Variants in CACNA1C observed in about 807,000 individuals in gnomAD.
CACNA1C encodes the protein voltage-dependent L-type calcium channel subunit alpha-1C.
In CACNA1C, 30 loss-of-function variants were observed where a neutral mutation model predicts 229.0. The ratio of observed to expected loss-of-function variants is 0.13; its 90% CI spans 0.10 to 0.18. The LOEUF (loss-of-function observed/expected upper bound fraction) is 0.18, where lower values mean the gene tolerates loss of function less well. Ranked by LOEUF, CACNA1C falls within the 10% of genes least tolerant of loss-of-function variation. CACNA1C has a pLI of 1.00. For missense variants in CACNA1C, 1,658 were observed against 2,845.0 expected, an observed-to-expected ratio of 0.58 and a Z score of 9.49; for synonymous variants, 1,114 against 1,132.5, an observed-to-expected ratio of 0.98 and a Z score of 0.33.
chr12:2,026,457 G>A (rs750965680), intron 1 of CACNA1C, among the ~76,000 whole-genome samples: 2 of 152,162 alleles, frequency 1.3e-5, no homozygotes, highest in Non-Finnish European at 2.9e-5. Flanking sequence ...ACAAATTTCT[G>A]CCAGACAATG....
At chr12:2,351,414 C>T (rs1256541202) in intron 3 of CACNA1C, among the ~76,000 whole-genome samples, 1 of 152,210 alleles carries the variant, frequency 6.6e-6, no homozygotes, top group Admixed American at 6.5e-5. Flanking sequence ...CTGGCCTCTG[C>T]TGAAGCGGCC....
chr12:2,220,414 C>T (rs2061159365), intron 3 of CACNA1C: 1 of 152,352 alleles, frequency 6.6e-6, no homozygotes, highest in South Asian at 2.1e-4. Context: ...TCTGCCCTCC[C>T]ATGAGACAGG....
At chr12:2,519,202 C>T (rs1313064610) in intron 9 of CACNA1C, among the ~76,000 whole-genome samples, 1 of 152,230 alleles carries the variant, frequency 6.6e-6, no homozygotes, top group African/African-American at 2.4e-5. Context: ...CTGAGAGGTC[C>T]TTCTTGGGGC....
At chr12:2,316,695 ACCATGAAC>A (rs2095708353) in intron 3 of CACNA1C, among the ~76,000 whole-genome samples, 3 of 152,188 alleles carry the variant, frequency 2.0e-5, no homozygotes, top group African/African-American at 7.2e-5. Context: ...ATGCCCAAAC[ACCATGAAC>A]TCATTAGTTC....
chr12:2,551,372 G>A lies in CACNA1C; in HGVS notation c.1481+1339G>A, dbSNP rs944087918. On this transcript the variant is annotated intron_variant, in intron 10 of 46. Transcript: ENST00000399655. ...CCTGGCAGTCTCCAGTGGATCTGTC[G>A]TTTGCTCAGAGCACATGCTCTGCAG... Among the ~76,000 whole-genome samples the A allele has an allele frequency of 1.1e-4, 17 of 152,220 alleles. 1 individual carries two copies. The highest frequency in any genetic ancestry group is 4.1e-4 in the African/African-American group (17 of 41,454).
At chr12:2,041,747 T>C (rs952563341) in intron 1 of CACNA1C, among the ~76,000 whole-genome samples, 5 of 152,206 alleles carry the variant, frequency 3.3e-5, no homozygotes, top group Non-Finnish European at 7.3e-5. Flanking sequence ...TGTTCATTTG[T>C]TTTATGAACA....
chr12:2,457,040 C>T (rs372462675), intron 4 of CACNA1C, among the ~76,000 whole-genome samples: 1 of 152,362 alleles, frequency 6.6e-6, no homozygotes, highest in East Asian at 1.9e-4. Flanking sequence ...TGTTTAACCA[C>T]TCAACCATTC....
chr12:2,067,801 C>T lies in CACNA1C; in HGVS notation c.49+14190C>T, dbSNP rs2059947026. ...GGCAATCAAGACCACAAGTGCCAACCTCAGCGCACTCACCTGGAGAATACT... is the reference window on the plus strand; with the variant it reads ...GGCAATCAAGACCACAAGTGCCAACTTCAGCGCACTCACCTGGAGAATACT... On this transcript the variant is annotated intron_variant, in intron 1 of 46. Coordinates refer to ENST00000399655, the MANE Select transcript of CACNA1C (RefSeq NM_000719.7). This position sits in a 1 kb window ranked among gnomAD's most constrained non-coding sequence, Gnocchi z 5.3. Among the ~76,000 whole-genome samples the T allele has an allele frequency of 6.6e-6, 1 of 152,140 alleles. No homozygotes were observed.
chr12:2,559,113 TCAA>T (rs1377219549), intron 11 of CACNA1C, among the ~76,000 whole-genome samples: 1 of 152,166 alleles, frequency 6.6e-6, no homozygotes, highest in African/African-American at 2.4e-5. Context: ...TGACACAGAT[TCAA>T]ACAAAATATC....
intron 9 of CACNA1C, among the ~76,000 whole-genome samples, chr12:2,540,503 A>G (rs1033693563): frequency 4.6e-5 from 7 of 152,088 alleles, no homozygotes; most frequent in African/African-American, 1.2e-4. Flanking sequence ...CCAGAGAGTC[A>G]ATATCAAAGG....
In CACNA1C at chr12:2,566,923, T is replaced by C. The variant is rs2051295494; in HGVS notation, c.1669+341T>C. Reference sequence around the variant, plus strand: ...CTCCCCAGCATGGATTTTAAATACCTGGGGGCCTTCCTACAGCCCTGAGGT... The same window carrying C: ...CTCCCCAGCATGGATTTTAAATACCCGGGGGCCTTCCTACAGCCCTGAGGT... On this transcript the variant is annotated intron_variant, in intron 12 of 46. Coordinates refer to ENST00000399655, the MANE Select transcript of CACNA1C (RefSeq NM_000719.7). The surrounding 1 kb of genome is among the most constrained non-coding windows in gnomAD (Gnocchi z 4.0). 1.3e-5 allele frequency among the ~76,000 whole-genome samples: 2 copies of C among 152,164 alleles called. No homozygotes were observed. Among genetic ancestry groups the C allele is most frequent in the Non-Finnish European group, 1.5e-5 (1 of 68,024 alleles).
intron 42 of CACNA1C, chr12:2,682,181 G>T: frequency 1.6e-6 from 1 of 630,986 alleles, no homozygotes; most frequent in South Asian, 2.0e-5. Context: ...ATAGCTGGAG[G>T]TGAGTGGGGG....
At chr12:2,393,040 A>G (rs1411847743) in intron 3 of CACNA1C, among the ~76,000 whole-genome samples, 1 of 152,128 alleles carries the variant, frequency 6.6e-6, no homozygotes, top group Non-Finnish European at 1.5e-5. Context: ...AAGCCCCTGT[A>G]CAAACACATG....
chr12:2,255,807 G>A (rs920265714), intron 3 of CACNA1C, among the ~76,000 whole-genome samples: 1 of 152,298 alleles, frequency 6.6e-6, no homozygotes, highest in African/African-American at 2.4e-5. Context: ...GACCTTACTA[G>A]TTTACAATCA....
At chr12:2,420,102 G>GGTGTGTGTGTGTGT (rs564990323) in intron 3 of CACNA1C, among the ~76,000 whole-genome samples, 1,265 of 125,464 alleles carry the variant, frequency 0.01, 60 homozygotes, top group African/African-American at 0.033. Flanking sequence ...TAGGCAAAAT[G>GGTGTGTGTGTGTGT]GTGTGTGTGT....
At chr12:2,095,684 C>T (rs1428800003) in intron 1 of CACNA1C, among the ~76,000 whole-genome samples, 1 of 152,132 alleles carries the variant, frequency 6.6e-6, no homozygotes, top group Non-Finnish European at 1.5e-5. Context: ...TCAGAAAAAC[C>T]TAAGCAGAAA....
In CACNA1C at chr12:2,692,874, G is replaced by A. The variant is rs919454501; in HGVS notation, c.*1675G>A. 6.6e-6 allele frequency: 1 copy of A among 152,594 alleles called. No individual in the cohort carries two copies. The highest frequency in any genetic ancestry group is 6.5e-5 in the Admixed American group (1 of 15,280). The allele number at this position is 152,594 out of a possible 1,614,324, so 9.5% of individuals were successfully genotyped here. A position where few individuals can be genotyped will look rare whatever the true frequency, so the allele number is the denominator to read the frequency against. ...ATGAATTGAATTAAGTTGGTTTTCG[G>A]ATTCACTTCTTGTATATTTTGCTGC... On this transcript the variant is annotated 3_prime_UTR_variant, in exon 47 of 47. Coordinates refer to ENST00000399655, the MANE Select transcript of CACNA1C (RefSeq NM_000719.7).
intron 3 of CACNA1C, among the ~76,000 whole-genome samples, chr12:2,431,034 T>C (rs1280978418): frequency 6.6e-6 from 1 of 152,174 alleles, no homozygotes; most frequent in Non-Finnish European, 1.5e-5. Flanking sequence ...GCTCCCTTCA[T>C]TGACGGGTGG....
At chr12:2,494,563 C>T (rs2154572052) in intron 7 of CACNA1C, among the ~76,000 whole-genome samples, 1 of 152,330 alleles carries the variant, frequency 6.6e-6, no homozygotes, top group Middle Eastern at 3.4e-3. Context: ...AACATGTCTA[C>T]AAACCAAAGC....
Sources: gnomAD v4.1 joint callset for allele counts (sites outside exome capture counted in the v4.1 genomes callset) on GRCh38, gnomAD v4.1.1 for gene constraint, Gnocchi (gnomAD v3.1) non-coding constraint, MANE v1.5 for transcripts, NCBI Gene and HGNC (gene_info 2026-07-23, HGNC 2026-07-21) for gene names.